Variants in NDFIP2 observed in about 807,000 individuals in gnomAD.
NDFIP2 encodes the protein Nedd4 family interacting protein 2, also known as NEDD4 family-interacting protein 2.
NDFIP2 carries 19 observed loss-of-function variants against 36.0 expected under a neutral mutation model. The observed-to-expected ratio is 0.53, with a 90% CI of 0.37 to 0.77. NDFIP2 has a LOEUF of 0.77. Ranked by LOEUF, NDFIP2 falls within the 30% of genes least tolerant of loss-of-function variation. NDFIP2 has a pLI of 0.00. For missense variants in NDFIP2, 446 were observed against 435.8 expected, an observed-to-expected ratio of 1.02 and a Z score of -0.21; for synonymous variants, 181 against 167.7, an observed-to-expected ratio of 1.08 and a Z score of -0.61.
At chr13:79,505,236 C>G (rs1211482698) in intron 1 of NDFIP2, among the ~76,000 whole-genome samples, 1 of 152,146 alleles carries the variant, frequency 6.6e-6, no homozygotes, top group African/African-American at 2.4e-5. Flanking sequence ...GGAAAGGTTG[C>G]TAGAGTCCTT....
chr13:79,505,222 T>A (rs1873814847), intron 1 of NDFIP2, among the ~76,000 whole-genome samples: 1 of 152,178 alleles, frequency 6.6e-6, no homozygotes, highest in Non-Finnish European at 1.5e-5. Flanking sequence ...ACAGAATTGC[T>A]TGTGGAAAGG....
intron 1 of NDFIP2, among the ~76,000 whole-genome samples, chr13:79,510,515 A>C (rs184240206): frequency 6.6e-6 from 1 of 152,252 alleles, no homozygotes; most frequent in Non-Finnish European, 1.5e-5. Context: ...TGGAGTAAAA[A>C]TTTATGAAGA....
intron 5 of NDFIP2, among the ~76,000 whole-genome samples, chr13:79,548,064 A>G (rs1875754928): frequency 6.6e-6 from 1 of 152,122 alleles, no homozygotes; most frequent in African/African-American, 2.4e-5. Context: ...TACAGCATTT[A>G]CTGTTTCTTG....
chr13:79,537,646 T>C (rs75006497), intron 3 of NDFIP2, among the ~76,000 whole-genome samples: 26 of 152,286 alleles, frequency 1.7e-4, no homozygotes, highest in Non-Finnish European at 2.9e-4. Context: ...CAATATAAAA[T>C]GGTTTTGAAA....
chr13:79,481,420 G>A lies in NDFIP2; in HGVS notation c.217G>A (p.Val73Met), dbSNP rs1198693326. The change falls in exon 1 of 8, where the codon GTG (valine) becomes ATG (methionine). Residue 73 changes from valine (V) to methionine (M), a missense_variant. Around this residue, in one of 2 missense-constraint regions of NDFIP2, gnomAD observed 369 missense variants for 304.8 expected, o/e 1.21. Coordinates refer to ENST00000218652, the MANE Select transcript of NDFIP2 (RefSeq NM_019080.3). ...TGCGGCGACGACGTCGTCGACGGGG[G>A]TGGCCGTGGGAGCTGAGCACGGAGA... ...GPAATTSSTG[V>M]AVGAEHGEDS... The A allele has an allele frequency of 1.3e-6, 2 of 1,558,648 alleles. No homozygotes were observed. Among genetic ancestry groups the A allele is most frequent in the Non-Finnish European group, 1.7e-6 (2 of 1,150,944 alleles).
intron 1 of NDFIP2, among the ~76,000 whole-genome samples, chr13:79,515,268 G>A (rs1188029388): frequency 1.3e-5 from 2 of 151,752 alleles, no homozygotes; most frequent in Admixed American, 6.6e-5. Context: ...TGAACTAAAC[G>A]TCATTATGTG....
intron 1 of NDFIP2, among the ~76,000 whole-genome samples, chr13:79,500,826 C>T (rs1333798040): frequency 6.6e-6 from 1 of 151,944 alleles, no homozygotes; most frequent in East Asian, 1.9e-4. Flanking sequence ...GATATTTACC[C>T]GAAGGAGTTG....
chr13:79,519,958 A>G (rs558794340), intron 1 of NDFIP2, among the ~76,000 whole-genome samples: 1 of 152,002 alleles, frequency 6.6e-6, no homozygotes, highest in African/African-American at 2.4e-5. Flanking sequence ...GCGACACCAC[A>G]CTCAGCTAAT....
intron 5 of NDFIP2, among the ~76,000 whole-genome samples, chr13:79,543,921 A>G (rs1875556505): frequency 6.6e-6 from 1 of 151,926 alleles, no homozygotes; most frequent in Non-Finnish European, 1.5e-5. Flanking sequence ...TTAAGTTTGA[A>G]TCTCATCTTT....
At chr13:79,531,728 C>T (rs1352413685) in intron 2 of NDFIP2, among the ~76,000 whole-genome samples, 4 of 152,206 alleles carry the variant, frequency 2.6e-5, no homozygotes, top group African/African-American at 9.7e-5. Flanking sequence ...AGAGTCAGCA[C>T]CTTGCTCTGA....
chr13:79,528,530 C>T (rs921453197), intron 2 of NDFIP2, among the ~76,000 whole-genome samples: 4 of 152,108 alleles, frequency 2.6e-5, no homozygotes, highest in African/African-American at 9.7e-5. Flanking sequence ...ATGTCCTAGG[C>T]CTTCACGTTC....
chr13:79,490,713 G>T (rs1594839568), intron 1 of NDFIP2, among the ~76,000 whole-genome samples: 1 of 152,236 alleles, frequency 6.6e-6, no homozygotes, highest in East Asian at 1.9e-4. Flanking sequence ...CCTCATATAG[G>T]CCTGAAGCTT....
Position 79,554,002 on chromosome 13 carries a change from A to C in NDFIP2, c.*1489A>C, listed in dbSNP as rs1213015804. ...CAGGGACATTTTTCCATTTCCAAAA[A>C]ATAAAATTTATTATGCTTTATAACC... On this transcript the variant is annotated 3_prime_UTR_variant, in exon 8 of 8. Transcript: ENST00000218652. 6.6e-6 allele frequency: 1 copy of C among 151,694 alleles called. No homozygotes were observed. Among genetic ancestry groups the C allele is most frequent in the Non-Finnish European group, 1.5e-5 (1 of 67,630 alleles). The allele number at this position is 151,694 out of a possible 1,614,324, so 9.4% of individuals were successfully genotyped here. A position where few individuals can be genotyped will look rare whatever the true frequency, so the allele number is the denominator to read the frequency against.
chr13:79,547,085 A>G (rs1875713056), intron 5 of NDFIP2, among the ~76,000 whole-genome samples: 1 of 152,014 alleles, frequency 6.6e-6, no homozygotes, highest in South Asian at 2.1e-4. Context: ...TGAAATTACT[A>G]TAAATACTGA....
chr13:79,541,541 T>C (rs980656252), intron 4 of NDFIP2, among the ~76,000 whole-genome samples: 1 of 152,020 alleles, frequency 6.6e-6, no homozygotes, highest in Non-Finnish European at 1.5e-5. Flanking sequence ...TTTATATTTT[T>C]ACCTGTATTT....
At chr13:79,490,329 T>G (rs1873175154) in intron 1 of NDFIP2, among the ~76,000 whole-genome samples, 1 of 152,140 alleles carries the variant, frequency 6.6e-6, no homozygotes, top group Admixed American at 6.5e-5. Flanking sequence ...TTTAAGACAG[T>G]GATCACAGGG....
chr13:79,484,013 A>G (rs1368884834), intron 1 of NDFIP2, among the ~76,000 whole-genome samples: 1 of 151,744 alleles, frequency 6.6e-6, no homozygotes, highest in African/African-American at 2.4e-5. Context: ...TTTATTATTT[A>G]TTTATTTATT....
In NDFIP2 at chr13:79,481,551, C is replaced by T. The variant is rs781592523; in HGVS notation, c.321+27C>T. 4 of 1,527,824 alleles carry T rather than the reference C, an allele frequency of 2.6e-6. No homozygotes were observed. In the Admixed American group the frequency reaches 6.8e-5, roughly 26 times the overall value. 94.6% of individuals were successfully genotyped at this position (1,527,824 alleles called of 1,614,324 possible). ...TGAGTTCCCGGCCTCCTGTGCCTCC[C>T]GGGACTGCCTCCCGCCGCGGCGTCC... On this transcript the variant is annotated intron_variant, in intron 1 of 7. Transcript: ENST00000218652.
chr13:79,495,200 AGTT>A (rs1873390840), intron 1 of NDFIP2, among the ~76,000 whole-genome samples: 1 of 151,904 alleles, frequency 6.6e-6, no homozygotes, highest in Non-Finnish European at 1.5e-5. Flanking sequence ...TATATTCTTC[AGTT>A]GTTGCATATA....
Sources: allele counts gnomAD v4.1 joint callset (sites outside exome capture counted in the v4.1 genomes callset), GRCh38; gene constraint gnomAD v4.1.1; regional missense constraint gnomAD v4.1.1; transcripts MANE v1.5; gene names NCBI Gene and HGNC (gene_info 2026-07-23, HGNC 2026-07-21).